Variants in MAP3K14 observed in about 807,000 individuals in gnomAD.
MAP3K14 encodes the protein mitogen-activated protein kinase kinase kinase 14.
A neutral mutation model predicts 99.2 loss-of-function variants in MAP3K14; 16 were observed. The observed-to-expected ratio is 0.16, with a 90% confidence interval of 0.11 to 0.24. The LOEUF (loss-of-function observed/expected upper bound fraction) is 0.24, where lower values mean the gene tolerates loss of function less well. MAP3K14 is among the 10% of genes least tolerant of loss of function. The pLI is 1.00. For missense variants in MAP3K14, 784 were observed against 1,208.7 expected (o/e 0.65, Z 5.21); for synonymous variants, 462 against 492.4 (o/e 0.94, Z 0.82).
chr17:45,291,364 G>A (rs942261122), intron 1 of MAP3K14, among the ~76,000 whole-genome samples: 5 of 152,126 alleles, frequency 3.3e-5, no homozygotes, highest in Non-Finnish European at 5.9e-5. Flanking sequence ...TGCTCAGCAC[G>A]TGGTTCCTTG....
At chr17:45,279,645 G>A (rs1165843041) in intron 6 of MAP3K14, among the ~76,000 whole-genome samples, 10 of 149,784 alleles carry the variant, frequency 6.7e-5, no homozygotes, top group Admixed American at 5.3e-4. Flanking sequence ...GGATGGTCTC[G>A]CTCTCCTGAC....
chr17:45,278,380 C>T (rs1003118818), intron 6 of MAP3K14, among the ~76,000 whole-genome samples: 5 of 152,156 alleles, frequency 3.3e-5, no homozygotes, highest in South Asian at 2.1e-4. Flanking sequence ...GTTCCTCATC[C>T]GTAAAATGAG....
At chr17:45,298,980 AGG>A (rs1373977579) in intron 1 of MAP3K14, among the ~76,000 whole-genome samples, 26 of 152,120 alleles carry the variant, frequency 1.7e-4, no homozygotes, top group South Asian at 4.2e-4. Flanking sequence ...GAAAAAGGAG[AGG>A]GTGTTCTGGG....
At position 45,273,489 on chromosome 17, in the gene MAP3K14, G is replaced by A. The variant is rs751638307; in HGVS notation, c.1657+14C>T. On this transcript the variant is annotated intron_variant, in intron 9 of 15. Transcript: ENST00000344686. ...AATGCATTGGGGGGCACGGCAGTTGGTGGGGGGCCTTACCTGTGAGCAAGG... is the reference window on the plus strand; with the variant it reads ...AATGCATTGGGGGGCACGGCAGTTGATGGGGGGCCTTACCTGTGAGCAAGG... 1 of 1,586,958 alleles carries A rather than the reference G, an allele frequency of 6.3e-7. No individual in the cohort carries two copies.
At position 45,286,868 on chromosome 17, in the gene MAP3K14, C is replaced by T. The variant is rs372261116; in HGVS notation, c.715G>A (p.Val239Met). 84 of 1,614,016 alleles carry T rather than the reference C, an allele frequency of 5.2e-5. No individual in the cohort carries two copies. The highest frequency in any genetic ancestry group is 4.9e-4 in the Middle Eastern group (3 of 6,062). ...LISPLQCLNH[V>M]WKLHHPQDGG... ...TCCTGGGGGTGGTGCAGTTTCCACA[C>T]GTGGTTCAGACATTGCAAGGGGCTG... Residue 239 changes from valine to methionine, a missense_variant, in exon 5 of 16, where the codon GTG becomes ATG. This residue lies in a region of MAP3K14 where 188 missense variants were observed against 313.0 expected (regional missense o/e 0.60). Transcript: ENST00000344686. The surrounding 1 kb of genome is among the most constrained non-coding windows in gnomAD (Gnocchi z 4.1).
intron 1 of MAP3K14, among the ~76,000 whole-genome samples, chr17:45,292,478 T>C (rs1441443352): frequency 6.6e-6 from 1 of 152,148 alleles, no homozygotes; most frequent in Non-Finnish European, 1.5e-5. Context: ...GGAGGAATGC[T>C]TGAGCCCAGG....
chr17:45,283,197 C>T (rs1264914434), intron 6 of MAP3K14, among the ~76,000 whole-genome samples: 2 of 152,198 alleles, frequency 1.3e-5, no homozygotes, highest in Admixed American at 6.5e-5. Flanking sequence ...ACTGGGTGCG[C>T]GTCTCTTCAC....
At chr17:45,266,010 G>C (rs2044078393) in intron 14 of MAP3K14, among the ~76,000 whole-genome samples, 1 of 152,264 alleles carries the variant, frequency 6.6e-6, no homozygotes, top group African/African-American at 2.4e-5. Context: ...CTGATGCCAT[G>C]AGTCACACTT....
At chr17:45,315,402 T>A (rs2044522474) in intron 1 of MAP3K14, among the ~76,000 whole-genome samples, 1 of 152,192 alleles carries the variant, frequency 6.6e-6, no homozygotes, top group Non-Finnish European at 1.5e-5. Context: ...TGGGTACTTA[T>A]CTCTAAAATT....
intron 1 of MAP3K14, among the ~76,000 whole-genome samples, chr17:45,316,631 G>A (rs1403645174): frequency 6.6e-6 from 1 of 152,194 alleles, no homozygotes; most frequent in Non-Finnish European, 1.5e-5. Flanking sequence ...GCGCAGAGCA[G>A]GCGGGCGGGC....
At chr17:45,285,170 C>T (rs907999335) in intron 5 of MAP3K14, among the ~76,000 whole-genome samples, 3 of 152,148 alleles carry the variant, frequency 2.0e-5, no homozygotes, top group African/African-American at 4.8e-5. Context: ...TCATGGGCTG[C>T]GGCCACTGAT....
chr17:45,269,185 A>AT (rs1409250872), intron 11 of MAP3K14, among the ~76,000 whole-genome samples: 2 of 151,734 alleles, frequency 1.3e-5, no homozygotes, highest in African/African-American at 4.8e-5. Context: ...TAATTTTTAA[A>AT]TTTTTTTGCA....
Position 45,287,247 on chromosome 17 carries a change from C to G in MAP3K14, c.444G>C (p.Lys148Asn), listed in dbSNP as rs777842546. 9 of 1,613,904 alleles carry G rather than the reference C, an allele frequency of 5.6e-6. No individual in the cohort carries two copies. The highest frequency in any genetic ancestry group is 7.6e-6 in the Non-Finnish European group (9 of 1,179,898). ...CATGAGCCAGGGACTTTGAGCTCTTCTTCTTCCGTTTCTTCCGGGCTTTGC... is the reference window on the plus strand; with the variant it reads ...CATGAGCCAGGGACTTTGAGCTCTTGTTCTTCCGTTTCTTCCGGGCTTTGC... ...RRSKARKKRK[K>N]KSSKSLAHAG... The change falls in exon 4 of 16, where the codon AAG becomes AAC. Residue 148 changes from lysine to asparagine, a missense_variant. Transcript: ENST00000344686.
Position 45,289,242 on chromosome 17 carries a change from T to C in MAP3K14, c.320A>G (p.Gln107Arg), listed in dbSNP as rs760322653. 1.9e-6 allele frequency: 3 copies of C among 1,613,842 alleles called. No homozygotes were observed. The highest frequency in any genetic ancestry group is 4.5e-5 in the East Asian group (2 of 44,862). ...SERIFIAGSK[Q>R]YSQSESLDQI... ...GCTTGTCTCCCCTGCTTACCTGTAC[T>C]GTTTGGACCCAGCGATGAAAATGCG... is the stretch of plus-strand genomic sequence containing the variant. The change falls in exon 3 of 16, where the codon CAG becomes CGG. Residue 107 changes from glutamine to arginine, a missense_variant. Gln to Arg is a conservative substitution (Grantham distance 43). This residue lies in a region of MAP3K14 where 188 missense variants were observed against 313.0 expected (regional missense o/e 0.60). Coordinates refer to ENST00000344686, the MANE Select transcript of MAP3K14 (RefSeq NM_003954.5).
chr17:45,304,010 C>CTTTTTTT (rs1026894731), intron 1 of MAP3K14, among the ~76,000 whole-genome samples: 35 of 127,726 alleles, frequency 2.7e-4, no homozygotes, highest in Non-Finnish European at 3.3e-4. Context: ...CTTTTCTTTT[C>CTTTTTTT]TTTTTTTTTT....
chr17:45,306,413 C>T (rs1262536709), intron 1 of MAP3K14, among the ~76,000 whole-genome samples: 1 of 149,558 alleles, frequency 6.7e-6, no homozygotes, highest in Non-Finnish European at 1.5e-5. Context: ...GGAGGAAGCA[C>T]CTTAATTAGG....
intron 8 of MAP3K14, 79 bp downstream of exon 8, chr17:45,274,044 C>A: frequency 1.3e-6 from 2 of 1,538,824 alleles, no homozygotes; most frequent in South Asian, 1.2e-5. Flanking sequence ...CAGGCTAGCC[C>A]AGAACTGAGA....
chr17:45,300,308 C>T (rs2044376998), intron 1 of MAP3K14, among the ~76,000 whole-genome samples: 1 of 152,150 alleles, frequency 6.6e-6, no homozygotes, highest in Non-Finnish European at 1.5e-5. Flanking sequence ...TTACCCACTT[C>T]CAGCTTCTCT....
At chr17:45,265,899 T>A (rs1286804640) in intron 14 of MAP3K14, among the ~76,000 whole-genome samples, 2 of 152,362 alleles carry the variant, frequency 1.3e-5, no homozygotes, top group South Asian at 4.1e-4. Context: ...TCAACTTGGA[T>A]GCAAAGCAGA....
Sources: allele counts gnomAD v4.1 joint callset (sites outside exome capture counted in the v4.1 genomes callset), GRCh38; gene constraint gnomAD v4.1.1; regional missense constraint gnomAD v4.1.1; non-coding constraint Gnocchi (gnomAD v3.1); transcripts MANE v1.5; gene names NCBI Gene and HGNC (gene_info 2026-07-23, HGNC 2026-07-21).